PTPRN2: variants seen among roughly 807,000 people sequenced by gnomAD.
PTPRN2 encodes receptor-type tyrosine-protein phosphatase N2.
A neutral mutation model predicts 118.8 loss-of-function variants in PTPRN2; 74 were observed. The ratio of observed to expected loss-of-function variants is 0.62; its 90% CI spans 0.52 to 0.76. The LOEUF (loss-of-function observed/expected upper bound fraction) is 0.76. PTPRN2 is among the 30% of genes least tolerant of loss of function. The pLI is 0.00. For missense variants in PTPRN2, 1,481 were observed against 1,394.4 expected (o/e 1.06, Z -0.99); for synonymous variants, 641 against 608.0 (o/e 1.05, Z -0.80).
chr7:158,398,936 C>T (rs1427313971), intron 2 of PTPRN2, among the ~76,000 whole-genome samples: 3 of 152,242 alleles, frequency 2.0e-5, no homozygotes, highest in African/African-American at 7.2e-5. Context: ...CTATCCCCAA[C>T]TAGGCTATGT....
chr7:158,059,019 T>A (rs1184715028), intron 11 of PTPRN2, among the ~76,000 whole-genome samples: 1 of 115,936 alleles, frequency 8.6e-6, no homozygotes, highest in African/African-American at 4.3e-5. Flanking sequence ...ACACTCCATC[T>A]GCCCACAGTG....
intron 12 of PTPRN2, among the ~76,000 whole-genome samples, chr7:157,790,603 G>T (rs1397416588): frequency 6.6e-6 from 1 of 152,136 alleles, no homozygotes; most frequent in Non-Finnish European, 1.5e-5. Flanking sequence ...ACACAAGTGG[G>T]AAATTGTGTA....
chr7:158,536,929 G>A (rs935946739), intron 1 of PTPRN2, among the ~76,000 whole-genome samples: 7 of 152,308 alleles, frequency 4.6e-5, no homozygotes, highest in Admixed American at 2.0e-4. Context: ...ACTGTGCCCC[G>A]GACTGAATGT....
chr7:158,400,330 C>T (rs1469647835), intron 2 of PTPRN2, among the ~76,000 whole-genome samples: 2 of 152,076 alleles, frequency 1.3e-5, no homozygotes, highest in African/African-American at 4.8e-5. Context: ...GTCCCATCTC[C>T]CCCACACTCA....
At chr7:158,346,291 T>C (rs1807507239) in intron 2 of PTPRN2, among the ~76,000 whole-genome samples, 1 of 152,154 alleles carries the variant, frequency 6.6e-6, no homozygotes, top group Non-Finnish European at 1.5e-5. Flanking sequence ...ATCTCCCCAT[T>C]CCCTCCACCC....
chr7:158,120,675 G>C (rs1013311418), intron 9 of PTPRN2, among the ~76,000 whole-genome samples: 1 of 152,168 alleles, frequency 6.6e-6, no homozygotes, highest in Non-Finnish European at 1.5e-5. Flanking sequence ...AAGGGGAGGG[G>C]TCCCAGATGT....
chr7:158,125,475 T>C (rs1817579318), intron 9 of PTPRN2, among the ~76,000 whole-genome samples: 1 of 152,056 alleles, frequency 6.6e-6, no homozygotes, highest in Admixed American at 6.6e-5. Context: ...TACTTCTTCT[T>C]CCTCTTTTTC....
chr7:158,126,650 C>T (rs1209096481), intron 9 of PTPRN2, among the ~76,000 whole-genome samples: 1 of 136,374 alleles, frequency 7.3e-6, no homozygotes, highest in Non-Finnish European at 1.6e-5. Flanking sequence ...ACTTCCTCTC[C>T]ACCACACCAG....
intron 2 of PTPRN2, among the ~76,000 whole-genome samples, chr7:158,402,237 G>C (rs1813000758): frequency 6.6e-6 from 1 of 152,160 alleles, no homozygotes; most frequent in Admixed American, 6.5e-5. Flanking sequence ...CACAGGACCA[G>C]GGTATACAGG....
chr7:157,972,063 G>A (rs555490385), intron 11 of PTPRN2, among the ~76,000 whole-genome samples: 5 of 152,278 alleles, frequency 3.3e-5, no homozygotes, highest in East Asian at 1.9e-4. Flanking sequence ...AGGGCAAATC[G>A]TGCGCTGCCT....
At chr7:157,846,413 C>T (rs1808804456) in intron 12 of PTPRN2, among the ~76,000 whole-genome samples, 1 of 152,128 alleles carries the variant, frequency 6.6e-6, no homozygotes, top group African/African-American at 2.4e-5. Context: ...GGAAATGACG[C>T]TCTAAAAATG....
chr7:158,291,790 C>T (rs1800135897), intron 3 of PTPRN2, among the ~76,000 whole-genome samples: 1 of 152,184 alleles, frequency 6.6e-6, no homozygotes, highest in Non-Finnish European at 1.5e-5. Context: ...TTGCCATTTA[C>T]TCTTAGAGCC....
chr7:158,169,578 G>C (rs1477216123), intron 5 of PTPRN2, among the ~76,000 whole-genome samples: 3 of 151,778 alleles, frequency 2.0e-5, no homozygotes, highest in African/African-American at 7.3e-5. Flanking sequence ...ACCGCGCCTG[G>C]CCAGGTTGAA....
intron 21 of PTPRN2, among the ~76,000 whole-genome samples, chr7:157,549,781 C>G (rs1798502246): frequency 1.3e-5 from 2 of 152,214 alleles, no homozygotes; most frequent in Non-Finnish European, 2.9e-5. Context: ...GAGGGGCAGA[C>G]AGGACACAGC....
intron 12 of PTPRN2, among the ~76,000 whole-genome samples, chr7:157,895,054 C>CA (rs1034761642): frequency 1.3e-5 from 2 of 151,876 alleles, no homozygotes; most frequent in African/African-American, 4.8e-5. Context: ...GGACCCCTCC[C>CA]CCACAGGAGG....
intron 2 of PTPRN2, among the ~76,000 whole-genome samples, chr7:158,340,992 C>G (rs1439672003): frequency 1.4e-5 from 1 of 73,068 alleles, no homozygotes; most frequent in African/African-American, 4.8e-5. Context: ...CACACTCTCA[C>G]CATAAGAGGT....
rs1800620758 is a variant in PTPRN2 at position 157,585,364 on chromosome 7, CAA to C, written c.2497-7226_2497-7225del. ...TCAGAATGAGGACTTGCCACTCCAC[CAA>C]AGTCGGGTCTGTGTTCTCCGGGAAG... is the stretch of plus-strand genomic sequence containing the variant. On this transcript the variant is annotated intron_variant, in intron 17 of 22. Transcript: ENST00000389418. This position sits in a 1 kb window ranked among gnomAD's most constrained non-coding sequence, Gnocchi z 5.2. Among the ~76,000 whole-genome samples, 1 of 152,180 alleles carries C rather than the reference CAA, an allele frequency of 6.6e-6. No individual in the cohort carries two copies. Among genetic ancestry groups the C allele is most frequent in the African/African-American group, 2.4e-5 (1 of 41,448 alleles).
intron 12 of PTPRN2, among the ~76,000 whole-genome samples, chr7:157,752,377 C>T (rs1320721703): frequency 1.3e-5 from 2 of 152,242 alleles, no homozygotes; most frequent in African/African-American, 4.8e-5. Flanking sequence ...GGGCAGGCTT[C>T]AGGATGGGTC....
chr7:157,656,892 A>C (rs1806156877), intron 13 of PTPRN2, among the ~76,000 whole-genome samples: 1 of 146,286 alleles, frequency 6.8e-6, no homozygotes. Flanking sequence ...CACCACACAC[A>C]CCACACACAT....
Sources: allele counts gnomAD v4.1 joint callset (sites outside exome capture counted in the v4.1 genomes callset), GRCh38; gene constraint gnomAD v4.1.1; non-coding constraint Gnocchi (gnomAD v3.1); transcripts MANE v1.5; gene names NCBI Gene and HGNC (gene_info 2026-07-23, HGNC 2026-07-21).